MYPN: variants seen among roughly 807,000 people sequenced by gnomAD.
The protein encoded by MYPN is sarcomeric protein myopalladin, 145 kDa (MYOP).
MYPN carries 63 observed loss-of-function variants against 129.4 expected under a neutral mutation model. The observed-to-expected ratio is 0.49, with a 90% confidence interval of 0.40 to 0.60. MYPN has a LOEUF of 0.60. Among genes scored for constraint, MYPN ranks in the 20% least tolerant of loss-of-function variants. The probability of loss-of-function intolerance (pLI) is 0.00; values close to 1 mark genes in which losing one functional copy is unlikely to be tolerated. For synonymous variants in MYPN, 629 were observed against 600.9 expected (o/e 1.05, Z -0.68); for missense variants, 1,596 against 1,635.4 (o/e 0.98, Z 0.42).
chr10:68,196,480 C>CT (rs1564695464), intron 15 of MYPN, among the ~76,000 whole-genome samples: 2 of 81,236 alleles, frequency 2.5e-5, no homozygotes, highest in South Asian at 8.9e-4. Context: ...ATACCTTCTT[C>CT]TTCTTTTTTT....
At position 68,093,751 on chromosome 10, in the gene MYPN, C is replaced by T. The variant is rs561377169; in HGVS notation, c.-2+5759C>T. On this transcript the variant is annotated intron_variant, in intron 1 of 6. Coordinates refer to the MYPN transcript ENST00000685154. ...CAGCCTGGGTGACAGAGCGAGACTC[C>T]GTCTCAAAAAAAAAAAAAGGAAGTA... 2.2e-3 allele frequency among the ~76,000 whole-genome samples: 330 copies of T among 149,098 alleles called. 3 individuals carry two copies. In the Middle Eastern group the frequency reaches 0.024, roughly 11 times the overall value.
At chr10:68,118,680 A>G (rs2042192837) in intron 1 of MYPN, among the ~76,000 whole-genome samples, 1 of 151,966 alleles carries the variant, frequency 6.6e-6, no homozygotes, top group African/African-American at 2.4e-5. Context: ...CAGAAAATTT[A>G]AATATTAGCC....
rs2043192805 is a variant in MYPN at position 68,174,389 on chromosome 10, C to G, written c.2297C>G (p.Ser766Cys). 1 of 1,614,170 alleles carries G rather than the reference C, an allele frequency of 6.2e-7. No homozygotes were observed. The highest frequency in any genetic ancestry group is 8.5e-7 in the Non-Finnish European group (1 of 1,180,044). ...GTGAGCAAAGAAAGCCTCTTAGTGT[C>G]TCACCCCTCTGTGCAAACCAAATCT... Reference protein sequence around the residue: ...RTVSKESLLVSHPSVQTKSPG... With the variant: ...RTVSKESLLVCHPSVQTKSPG... Residue 766 changes from serine to cysteine, a missense_variant, in exon 11 of 20, where the codon TCT becomes TGT. Transcript: ENST00000358913.
intron 19 of MYPN, among the ~76,000 whole-genome samples, chr10:68,208,910 TAA>T (rs1334365514): frequency 6.6e-6 from 1 of 152,104 alleles, no homozygotes; most frequent in Non-Finnish European, 1.5e-5. Context: ...CGGGAAGGGC[TAA>T]GAGATGGAGG....
intron 1 of MYPN, among the ~76,000 whole-genome samples, chr10:68,094,505 ATCC>A (rs2041946780): frequency 6.6e-6 from 1 of 151,850 alleles, no homozygotes; most frequent in Admixed American, 6.6e-5. Flanking sequence ...CAGGTGATCC[ATCC>A]ACCTCGGCTT....
chr10:68,114,452 G>A (rs1259810823), intron 1 of MYPN, among the ~76,000 whole-genome samples: 2 of 151,362 alleles, frequency 1.3e-5, no homozygotes, highest in Non-Finnish European at 2.9e-5. Flanking sequence ...AGGTTCAAGC[G>A]ATTCTCCTGT....
At chr10:68,184,390 A>G (rs10997995) in intron 12 of MYPN, among the ~76,000 whole-genome samples, 2 of 152,206 alleles carry the variant, frequency 1.3e-5, no homozygotes, top group African/African-American at 4.8e-5. Context: ...CAGAGTAAAC[A>G]CGAGGAGTCC....
chr10:68,111,871 C>G (rs2042086651), intron 1 of MYPN, among the ~76,000 whole-genome samples: 1 of 152,148 alleles, frequency 6.6e-6, no homozygotes, highest in South Asian at 2.1e-4. Context: ...ATCTTGAGAT[C>G]CCTTGGGACA....
chr10:68,159,019 G>C (rs1164754864), intron 7 of MYPN, among the ~76,000 whole-genome samples: 2 of 151,948 alleles, frequency 1.3e-5, no homozygotes, highest in Non-Finnish European at 2.9e-5. Context: ...TCTTGCCTCA[G>C]CCTCCCCAGT....
At chr10:68,199,882 T>C (rs1162916012) in intron 17 of MYPN, among the ~76,000 whole-genome samples, 1 of 152,242 alleles carries the variant, frequency 6.6e-6, no homozygotes, top group Non-Finnish European at 1.5e-5. Flanking sequence ...CCATCATTCC[T>C]GGAACATACT....
chr10:68,152,620 A>C (rs2042791754), intron 6 of MYPN, among the ~76,000 whole-genome samples: 1 of 152,202 alleles, frequency 6.6e-6, no homozygotes, highest in African/African-American at 2.4e-5. Flanking sequence ...TAGGACTTTA[A>C]CATTTATTTA....
At chr10:68,103,817 G>C (rs1201588678), upstream of MYPN, among the ~76,000 whole-genome samples, 4 of 152,286 alleles carry the variant, frequency 2.6e-5, no homozygotes, top group East Asian at 7.7e-4. Flanking sequence ...AGCCGTGGTG[G>C]CAGGCGCCTG....
chr10:68,170,724 C>G (rs1452695936), intron 10 of MYPN, among the ~76,000 whole-genome samples: 2 of 152,012 alleles, frequency 1.3e-5, no homozygotes, highest in African/African-American at 4.8e-5. Context: ...GATTCCTCAC[C>G]CTGGCTACAC....
intron 12 of MYPN, among the ~76,000 whole-genome samples, chr10:68,182,336 CACACATATATAACAT>C (rs1564686747): frequency 0.023 from 930 of 41,104 alleles, 58 homozygotes; most frequent in African/African-American, 0.054. Flanking sequence ...ATATATAACA[CACACATATATAACAT>C]ATATATAACA....
At chr10:68,127,395 C>T (rs186202764) in intron 2 of MYPN, among the ~76,000 whole-genome samples, 1 of 130,316 alleles carries the variant, frequency 7.7e-6, no homozygotes, top group African/African-American at 3.0e-5. Context: ...AGTGCAGTGG[C>T]ACAATCTTGG....
At chr10:68,103,996 C>T (rs1222682910), upstream of MYPN, among the ~76,000 whole-genome samples, 1 of 152,176 alleles carries the variant, frequency 6.6e-6, no homozygotes, top group Non-Finnish European at 1.5e-5. Flanking sequence ...ATCTACTCAA[C>T]TGTGTAACTC....
intron 1 of MYPN, among the ~76,000 whole-genome samples, chr10:68,097,514 G>A (rs1051333691): frequency 6.6e-6 from 1 of 152,056 alleles, no homozygotes; most frequent in Non-Finnish European, 1.5e-5. Context: ...TAATAGTGGT[G>A]GTTTACATTT....
rs138429154 is a variant in MYPN at position 68,181,645 on chromosome 10, C to T, written c.2703+6184C>T. ...GATCTTGAAAGGACCTAAGCTGATG[C>T]CACATTGACTTTGTTTTGTCTGTGG... On this transcript the variant is annotated intron_variant, in intron 12 of 19. Transcript: ENST00000358913. Among the ~76,000 whole-genome samples the T allele has an allele frequency of 1.3e-3, 199 of 152,242 alleles. 1 individual carries two copies. The highest frequency in any genetic ancestry group is 4.6e-3 in the African/African-American group (192 of 41,540).
intron 2 of MYPN, among the ~76,000 whole-genome samples, chr10:68,139,177 T>G (rs2042534867): frequency 6.6e-6 from 1 of 152,152 alleles, no homozygotes; most frequent in African/African-American, 2.4e-5. Flanking sequence ...AGAAGTGACC[T>G]AGTGGGGAGA....
Sources: gnomAD v4.1 joint callset for allele counts (sites outside exome capture counted in the v4.1 genomes callset) on GRCh38, gnomAD v4.1.1 for gene constraint, MANE v1.5 for transcripts, NCBI Gene and HGNC (gene_info 2026-07-23, HGNC 2026-07-21) for gene names.